The following PDE10A variants were observed in gnomAD, a reference collection of about 807,000 sequenced individuals.
PDE10A encodes the protein phosphodiesterase 10A.
A neutral mutation model predicts 97.7 loss-of-function variants in PDE10A; 39 were observed. That is an observed-to-expected ratio of 0.40 (90% CI 0.31 to 0.52). PDE10A has a LOEUF of 0.52. Among genes scored for constraint, PDE10A ranks in the 20% least tolerant of loss-of-function variants. The pLI is 0.56. For synonymous variants in PDE10A, 371 were observed against 376.8 expected, an observed-to-expected ratio of 0.98 and a Z score of 0.18; for missense variants, 731 against 1,047.8, an observed-to-expected ratio of 0.70 and a Z score of 4.17.
intron 1 of PDE10A, among the ~76,000 whole-genome samples, chr6:165,632,515 G>A (rs1056491165): frequency 6.6e-6 from 1 of 152,176 alleles, no homozygotes; most frequent in African/African-American, 2.4e-5. Context: ...ACTGTTTTGA[G>A]CATGAGATGC....
intron 13 of PDE10A, among the ~76,000 whole-genome samples, chr6:165,397,181 A>C (rs2128218631): frequency 6.6e-6 from 1 of 152,342 alleles, no homozygotes; most frequent in Non-Finnish European, 1.5e-5. Context: ...ACAAATAATT[A>C]TAAATTAATA....
chr6:165,644,797 T>A (rs1339788969), intron 1 of PDE10A, among the ~76,000 whole-genome samples: 1 of 152,184 alleles, frequency 6.6e-6, no homozygotes, highest in African/African-American at 2.4e-5. Flanking sequence ...AGCCCTGCTG[T>A]CTCCCTGGCA....
chr6:165,746,103 C>T (rs1238819334), intron 1 of PDE10A, among the ~76,000 whole-genome samples: 1 of 152,118 alleles, frequency 6.6e-6, no homozygotes, highest in African/African-American at 2.4e-5. Context: ...CACAAGCATC[C>T]CAGGAGCTAG....
chr6:165,606,153 G>GAAAAAAAAAAAAAAAA (rs71029555), intron 1 of PDE10A, among the ~76,000 whole-genome samples: 1 of 113,278 alleles, frequency 8.8e-6, no homozygotes. Flanking sequence ...ACGAACAAGC[G>GAAAAAAAAAAAAAAAA]AAAAAAAAAA....
intron 18 of PDE10A, among the ~76,000 whole-genome samples, chr6:165,354,100 A>G (rs1245860231): frequency 6.6e-6 from 1 of 152,224 alleles, no homozygotes. Flanking sequence ...TTAGTAGGCT[A>G]AGATAAATGC....
intron 1 of PDE10A, among the ~76,000 whole-genome samples, chr6:165,932,535 C>T (rs953950676): frequency 5.3e-5 from 8 of 152,140 alleles, no homozygotes; most frequent in Admixed American, 3.3e-4. Context: ...AGGGTTTCAC[C>T]ATATTGGTCA....
intron 1 of PDE10A, among the ~76,000 whole-genome samples, chr6:165,631,850 A>G (rs1219911227): frequency 2.0e-5 from 3 of 152,170 alleles, no homozygotes; most frequent in African/African-American, 4.8e-5. Flanking sequence ...GACCACCCAA[A>G]GATAGTGCCT....
chr6:165,616,855 C>T (rs936874798), intron 1 of PDE10A, among the ~76,000 whole-genome samples: 8 of 151,964 alleles, frequency 5.3e-5, no homozygotes, highest in African/African-American at 1.9e-4. Flanking sequence ...ATTTAAAACT[C>T]GGAACCAAAA....
intron 2 of PDE10A, among the ~76,000 whole-genome samples, chr6:165,514,560 C>T (rs1339418445): frequency 6.6e-6 from 1 of 152,152 alleles, no homozygotes; most frequent in East Asian, 1.9e-4. Flanking sequence ...TGCACATGTG[C>T]ATATCTTCAG....
rs1250759399 is a variant in PDE10A, at chr6:165,559,976, G to GT, written c.866-16409dup. 2.0e-5 allele frequency among the ~76,000 whole-genome samples: 3 copies of GT among 152,196 alleles called. No individual in the cohort carries two copies. In the East Asian group the frequency reaches 5.8e-4, roughly 29 times the overall value. On this transcript the variant is annotated intron_variant, in intron 1 of 21. Coordinates refer to ENST00000539869, the MANE Select transcript of PDE10A (RefSeq NM_001385079.1). ...AGCCTCTTTTTCTTCCCAGTCTCAG[G>GT]TATGTCTTTATCAGCAGTGTGAAAA...
chr6:165,676,275 G>A (rs1790793191), intron 1 of PDE10A, among the ~76,000 whole-genome samples: 1 of 152,108 alleles, frequency 6.6e-6, no homozygotes, highest in Admixed American at 6.5e-5. Context: ...TTGCCGATTG[G>A]GTACAATATA....
rs768897717 is a variant in PDE10A at position 165,496,409 on chromosome 6, TTACCAACCA to T, written c.995-14075_995-14067del. ...ATCTTTCTTCAAATCTCAGCTTCAC[TTACCAACCA>T]TACATGGGTTTCTTGACCTTTTCAA... On this transcript the variant is annotated intron_variant, in intron 2 of 21. Transcript: ENST00000539869. Among the ~76,000 whole-genome samples the T allele has an allele frequency of 3.9e-5, 6 of 152,348 alleles. No individual in the cohort carries two copies. In the South Asian group the frequency reaches 1.0e-3, roughly 26 times the overall value.
At chr6:165,407,191 A>C (rs1239845282) in intron 13 of PDE10A, among the ~76,000 whole-genome samples, 1 of 152,132 alleles carries the variant, frequency 6.6e-6, no homozygotes, top group Non-Finnish European at 1.5e-5. Context: ...TATTTTATAT[A>C]TAAAATGTAA....
intron 1 of PDE10A, among the ~76,000 whole-genome samples, chr6:165,968,553 C>G (rs1562333573): frequency 6.6e-6 from 1 of 152,160 alleles, no homozygotes; most frequent in Non-Finnish European, 1.5e-5. Flanking sequence ...AAATTTTCAC[C>G]ATGTGAGGCG....
intron 10 of PDE10A, among the ~76,000 whole-genome samples, chr6:165,426,598 C>A (rs1789184352): frequency 6.6e-6 from 1 of 151,958 alleles, no homozygotes; most frequent in Non-Finnish European, 1.5e-5. Flanking sequence ...GCATAAACAG[C>A]AAAAGAAAAC....
intron 1 of PDE10A, among the ~76,000 whole-genome samples, chr6:165,892,962 C>T (rs75766550): frequency 0.015 from 2,278 of 152,272 alleles, 37 homozygotes; most frequent in Middle Eastern, 0.027. Context: ...TGGCACTGCA[C>T]GACCTCCTCT....
intron 5 of PDE10A, among the ~76,000 whole-genome samples, chr6:165,447,165 C>T (rs1029503356): frequency 1.3e-5 from 2 of 152,094 alleles, no homozygotes; most frequent in Non-Finnish European, 2.9e-5. Context: ...AATCCAAGCC[C>T]GCAAAGTCAG....
At chr6:165,983,201 T>C (rs1368653561) in intron 1 of PDE10A, among the ~76,000 whole-genome samples, 1 of 152,216 alleles carries the variant, frequency 6.6e-6, no homozygotes, top group African/African-American at 2.4e-5. Flanking sequence ...AGGCCGGATC[T>C]ATTAAGGTCA....
At chr6:165,371,083 T>C (rs1475878111) in intron 18 of PDE10A, among the ~76,000 whole-genome samples, 1 of 148,966 alleles carries the variant, frequency 6.7e-6, no homozygotes, top group Non-Finnish European at 1.5e-5. Context: ...CAAAGCAGTG[T>C]GTAGAGGGAA....
Sources: gnomAD v4.1 joint callset for allele counts (sites outside exome capture counted in the v4.1 genomes callset) on GRCh38, gnomAD v4.1.1 for gene constraint, MANE v1.5 for transcripts, NCBI Gene and HGNC (gene_info 2026-07-23, HGNC 2026-07-21) for gene names.